Variants in HUNK observed in about 807,000 individuals in gnomAD.
The protein encoded by HUNK is hormonally up-regulated Neu-associated kinase.
HUNK carries 21 observed loss-of-function variants against 61.0 expected under a neutral mutation model. The observed-to-expected ratio is 0.34, with a 90% CI of 0.24 to 0.50. The LOEUF is 0.50. Ranked by LOEUF, HUNK falls within the 20% of genes least tolerant of loss-of-function variation. The pLI is 0.98. For missense variants in HUNK, 772 were observed against 945.7 expected (o/e 0.82, Z 2.41); for synonymous variants, 371 against 386.1 (o/e 0.96, Z 0.46).
chr21:31,888,431 T>A (rs562475306), intron 1 of HUNK, among the ~76,000 whole-genome samples: 1 of 150,502 alleles, frequency 6.6e-6, no homozygotes, highest in Non-Finnish European at 1.5e-5. Context: ...ATGAGGAGCT[T>A]GAGCTATTAA....
chr21:31,907,915 G>A (rs575935079), intron 1 of HUNK, among the ~76,000 whole-genome samples: 55 of 152,094 alleles, frequency 3.6e-4, no homozygotes, highest in African/African-American at 1.2e-3. Flanking sequence ...ACTTGAACCC[G>A]GGAGACGGAG....
At position 31,940,226 on chromosome 21, in the gene HUNK, A is replaced by AT; in HGVS notation, c.610+6_610+7insT. 1 of 1,529,230 alleles carries AT rather than the reference A, an allele frequency of 6.5e-7. No homozygotes were observed. Among genetic ancestry groups the AT allele is most frequent in the East Asian group, 2.3e-5 (1 of 43,120 alleles). 94.7% of individuals were successfully genotyped at this position (1,529,230 alleles called of 1,614,324 possible). ...CAATAATATCAAGCTGATTGGTATG[A>AT]CTTTTTTTTTTTTTTAAGCAAAAGT... On this transcript the variant is annotated splice_region_variant and intron_variant, in intron 3 of 10. Transcript: ENST00000270112.
chr21:31,975,855 C>T (rs1007879143), intron 7 of HUNK, among the ~76,000 whole-genome samples: 1 of 152,160 alleles, frequency 6.6e-6, no homozygotes, highest in African/African-American at 2.4e-5. Flanking sequence ...CAGTGTGTGT[C>T]TTTTGTTAGC....
intron 1 of HUNK, among the ~76,000 whole-genome samples, chr21:31,910,429 A>G (rs117220810): frequency 0.011 from 1,723 of 151,916 alleles, 20 homozygotes; most frequent in Non-Finnish European, 0.016. Flanking sequence ...TCCCTGTTTA[A>G]AGGCCCTGTT....
chr21:31,876,944 G>A (rs2052267010), intron 1 of HUNK, among the ~76,000 whole-genome samples: 1 of 152,052 alleles, frequency 6.6e-6, no homozygotes, highest in South Asian at 2.1e-4. Context: ...CACTGCACCT[G>A]GCCCATCCTT....
intron 2 of HUNK, among the ~76,000 whole-genome samples, chr21:31,934,180 G>A (rs1483657769): frequency 6.6e-6 from 1 of 151,194 alleles, no homozygotes; most frequent in Non-Finnish European, 1.5e-5. Flanking sequence ...CTGAGGCTGG[G>A]CGCGGTGGCT....
intron 5 of HUNK, among the ~76,000 whole-genome samples, chr21:31,960,066 A>G (rs998147713): frequency 5.9e-5 from 9 of 152,250 alleles, no homozygotes; most frequent in Non-Finnish European, 7.3e-5. Flanking sequence ...CAATTGTCAT[A>G]TTTAAGTTTT....
At chr21:31,994,870 A>T (rs563250892) in intron 9 of HUNK, among the ~76,000 whole-genome samples, 1 of 152,280 alleles carries the variant, frequency 6.6e-6, no homozygotes, top group South Asian at 2.1e-4. Context: ...AAGAATGGCC[A>T]CTGCCAAGCG....
chr21:31,990,415 C>G (rs1410103992), intron 9 of HUNK, among the ~76,000 whole-genome samples: 1 of 151,538 alleles, frequency 6.6e-6, no homozygotes, highest in Non-Finnish European at 1.5e-5. Context: ...GCCAGAAGAC[C>G]TCATTCTTTT....
intron 1 of HUNK, among the ~76,000 whole-genome samples, chr21:31,919,582 C>A (rs1251255762): frequency 6.6e-6 from 1 of 152,144 alleles, no homozygotes; most frequent in Non-Finnish European, 1.5e-5. Context: ...AGTGTAGACA[C>A]TTGCTAACCA....
chr21:31,982,930 A>T lies in HUNK; in HGVS notation c.1174-596A>T, dbSNP rs2053107961. Among the ~76,000 whole-genome samples the T allele has an allele frequency of 3.3e-5, 5 of 152,118 alleles. No homozygotes were observed. The South Asian group carries it at 1.0e-3, about 31-fold the overall frequency. ...GTGATTCTCCTTCCTCAGCCACCTG[A>T]GTAGCTGGGACTACAGGCGTGTGCC... On this transcript the variant is annotated intron_variant, in intron 7 of 10. Coordinates refer to ENST00000270112, the MANE Select transcript of HUNK (RefSeq NM_014586.2).
At chr21:31,904,490 A>G (rs781623408) in intron 1 of HUNK, among the ~76,000 whole-genome samples, 2 of 152,198 alleles carry the variant, frequency 1.3e-5, no homozygotes, top group Non-Finnish European at 2.9e-5. Context: ...AAAAGTTAAT[A>G]GCTTAAAATC....
chr21:31,971,748 A>C (rs1255465630), intron 6 of HUNK, among the ~76,000 whole-genome samples: 2 of 152,018 alleles, frequency 1.3e-5, no homozygotes, highest in African/African-American at 4.8e-5. Context: ...TTTGGAAGTA[A>C]ATTTTTTATA....
At chr21:31,927,367 G>A (rs1047022337) in intron 2 of HUNK, among the ~76,000 whole-genome samples, 8 of 86 alleles carry the variant, frequency 0.093, no homozygotes, top group Non-Finnish European at 0.12. Flanking sequence ...TTTTCAGGCC[G>A]GGCGCAGTGC....
chr21:31,928,045 G>T (rs1279738938), intron 2 of HUNK, among the ~76,000 whole-genome samples: 2 of 152,164 alleles, frequency 1.3e-5, no homozygotes, highest in Non-Finnish European at 2.9e-5. Context: ...GTAGCCTGAG[G>T]TGTCATAACG....
rs564222093 is a variant in HUNK, at chr21:31,936,420, G to A, written c.555-3745G>A. Among the ~76,000 whole-genome samples, 34 of 152,316 alleles carry A rather than the reference G, an allele frequency of 2.2e-4. No individual in the cohort carries two copies. The East Asian group carries it at 2.3e-3, about 10-fold the overall frequency. On this transcript the variant is annotated intron_variant, in intron 2 of 10. Transcript: ENST00000270112. ...GCTATTGAATGTTCTTTTCTTTTGC[G>A]TGGGTAAGTACACTGATCTTTTGGA...
chr21:31,994,920 G>A (rs901630441), intron 9 of HUNK, among the ~76,000 whole-genome samples: 4 of 152,322 alleles, frequency 2.6e-5, no homozygotes, highest in African/African-American at 9.6e-5. Flanking sequence ...TTGGGAAGCA[G>A]AGACAGGAGG....
Position 31,874,290 on chromosome 21 carries a change from C to T in HUNK, c.261+355C>T, listed in dbSNP as rs867403784. On this transcript the variant is annotated intron_variant, in intron 1 of 10. Coordinates refer to ENST00000270112, the MANE Select transcript of HUNK (RefSeq NM_014586.2). ...GCCGGCAGGGGCGGCGGATCCGTGG[C>T]GAGGCGGGAACCAGGGCTAGAGGAG... Among the ~76,000 whole-genome samples, 416 of 112,068 alleles carry T rather than the reference C, an allele frequency of 3.7e-3. 5 individuals carry two copies. The highest frequency in any genetic ancestry group is 0.014 in the African/African-American group (389 of 28,734). The allele number at this position is 112,068 out of a possible 152,430, so 73.5% of individuals were successfully genotyped here. A position where few individuals can be genotyped will look rare whatever the true frequency, so the allele number is the denominator to read the frequency against.
At chr21:31,874,289 G>T (rs955224832) in intron 1 of HUNK, among the ~76,000 whole-genome samples, 2 of 150,992 alleles carry the variant, frequency 1.3e-5, no homozygotes, top group African/African-American at 2.4e-5. Context: ...CGGATCCGTG[G>T]CGAGGCGGGA....
Sources: allele counts gnomAD v4.1 joint callset (sites outside exome capture counted in the v4.1 genomes callset), GRCh38; gene constraint gnomAD v4.1.1; transcripts MANE v1.5; gene names NCBI Gene and HGNC (gene_info 2026-07-23, HGNC 2026-07-21).